The following FER1L6 variants were observed in gnomAD, a reference collection of about 807,000 sequenced individuals.
FER1L6 encodes the protein fer-1 like family member 6, also known as fer-1-like protein 6.
A neutral mutation model predicts 219.2 loss-of-function variants in FER1L6; 177 were observed. The observed-to-expected ratio is 0.81, with a 90% CI of 0.71 to 0.91. The LOEUF (loss-of-function observed/expected upper bound fraction) is 0.91, where lower values mean the gene tolerates loss of function less well. FER1L6 is among the 40% of genes least tolerant of loss of function. The pLI is 0.00. For synonymous variants in FER1L6, 768 were observed against 824.3 expected (o/e 0.93, Z 1.17); for missense variants, 2,153 against 2,259.9 (o/e 0.95, Z 0.96).
Position 124,021,661 on chromosome 8 carries a change from G to C in FER1L6, c.2125G>C (p.Val709Leu), listed in dbSNP as rs190330236. 9.8e-5 allele frequency: 158 copies of C among 1,614,118 alleles called. No individual in the cohort carries two copies. The African/African-American group carries it at 1.2e-3, about 12-fold the overall frequency. ...CTTTGTGGAAAAAATCCGCTTTCTT[G>C]TTGATGAGGTAACTGACTCTAAAGG... ...QNFVEKIRFL[V>L]DEPQHTIPDV... The change falls in exon 17 of 41, where the codon GTT becomes CTT. Residue 709 changes from valine (V) to leucine (L), a missense_variant. By Grantham distance (32) the Val-to-Leu change is conservative (BLOSUM62 1). Transcript: ENST00000522917.
At chr8:123,968,916 T>C (rs1308770430) in intron 5 of FER1L6, among the ~76,000 whole-genome samples, 1 of 152,094 alleles carries the variant, frequency 6.6e-6, no homozygotes, top group Non-Finnish European at 1.5e-5. Flanking sequence ...ACTCTACAGC[T>C]CAAAAAAGAA....
chr8:124,083,905 A>G (rs988136661), intron 33 of FER1L6, among the ~76,000 whole-genome samples: 1 of 152,190 alleles, frequency 6.6e-6, no homozygotes, highest in African/African-American at 2.4e-5. Flanking sequence ...ATCCATGAAC[A>G]TGGAATATGT....
chr8:124,065,630 T>C (rs1699793021), intron 26 of FER1L6, among the ~76,000 whole-genome samples: 1 of 152,208 alleles, frequency 6.6e-6, no homozygotes, highest in Admixed American at 6.5e-5. Context: ...TCAGTGTTCA[T>C]CATTCAGTGT....
intron 20 of FER1L6, among the ~76,000 whole-genome samples, chr8:124,042,490 T>G (rs911960025): frequency 2.0e-5 from 3 of 152,224 alleles, no homozygotes; most frequent in African/African-American, 7.2e-5. Context: ...GGAAGCGATA[T>G]AGCTAGAAGA....
chr8:123,891,227 A>G (rs1812643745), intron 1 of FER1L6, among the ~76,000 whole-genome samples: 1 of 152,206 alleles, frequency 6.6e-6, no homozygotes, highest in Admixed American at 6.5e-5. Flanking sequence ...TAGTGACGAA[A>G]GTTACTTAAT....
At chr8:123,959,087 G>A (rs958021685) in intron 2 of FER1L6, among the ~76,000 whole-genome samples, 4 of 152,044 alleles carry the variant, frequency 2.6e-5, no homozygotes, top group South Asian at 2.1e-4. Context: ...AAAGTGACAC[G>A]GTCTGGTTTT....
intron 39 of FER1L6, among the ~76,000 whole-genome samples, chr8:124,113,045 A>G (rs889121562): frequency 1.3e-5 from 2 of 152,194 alleles, no homozygotes; most frequent in African/African-American, 4.8e-5. Flanking sequence ...TAATCATTCC[A>G]TACTTAAAAT....
chr8:124,064,339 C>A lies in FER1L6; in HGVS notation c.3329-8C>A, dbSNP rs768600532. 2 of 1,611,394 alleles carry A rather than the reference C, an allele frequency of 1.2e-6. No homozygotes were observed. Among genetic ancestry groups the A allele is most frequent in the Non-Finnish European group, 1.7e-6 (2 of 1,178,096 alleles). On this transcript the variant is annotated splice_region_variant and splice_polypyrimidine_tract_variant and intron_variant, in intron 25 of 40. Transcript: ENST00000522917. ...CCAGCTCCCTGACCTGATGTGCTTT[C>A]ATTTCAGATATTTCAGATTCGCTAA...
chr8:123,927,245 C>T (rs531843019), intron 1 of FER1L6, among the ~76,000 whole-genome samples: 2 of 151,520 alleles, frequency 1.3e-5, no homozygotes, highest in South Asian at 2.1e-4. Flanking sequence ...CAAGAATCAA[C>T]GACCAATCTC....
chr8:123,956,429 C>T (rs1295312656), intron 2 of FER1L6, among the ~76,000 whole-genome samples: 2 of 152,218 alleles, frequency 1.3e-5, no homozygotes, highest in African/African-American at 2.4e-5. Flanking sequence ...TGATCTCACA[C>T]AGCTGTGGGG....
intron 1 of FER1L6, among the ~76,000 whole-genome samples, chr8:123,915,460 C>T (rs1288244322): frequency 6.6e-6 from 1 of 152,086 alleles, no homozygotes; most frequent in Non-Finnish European, 1.5e-5. Context: ...CATGGGTACA[C>T]TGTGAGTTCA....
At chr8:124,048,549 A>G (rs1346388451) in intron 21 of FER1L6, among the ~76,000 whole-genome samples, 1 of 152,244 alleles carries the variant, frequency 6.6e-6, no homozygotes, top group East Asian at 1.9e-4. Context: ...GCCTACATAC[A>G]TACATACAAA....
At position 124,044,895 on chromosome 8, in the gene FER1L6, A is replaced by G. The variant is rs1819659905; in HGVS notation, c.2590-872A>G. ...CTTAAATGGCCTAGGAGGGGGCTGT[A>G]AGCCACTTCTAGGCAAGATGCTCAT... On this transcript the variant is annotated intron_variant, in intron 20 of 40. Transcript: ENST00000522917. Among the ~76,000 whole-genome samples, 3 of 152,230 alleles carry G rather than the reference A, an allele frequency of 2.0e-5. 1 individual carries two copies. The South Asian group carries it at 6.2e-4, about 31-fold the overall frequency.
At chr8:124,021,335 T>C (rs140617751) in intron 16 of FER1L6, among the ~76,000 whole-genome samples, 2 of 152,102 alleles carry the variant, frequency 1.3e-5, no homozygotes, top group African/African-American at 4.8e-5. Context: ...CTTCAGCTTC[T>C]CATCTGTCAA....
At chr8:123,974,036 T>C (rs1815940160) in intron 7 of FER1L6, among the ~76,000 whole-genome samples, 1 of 152,256 alleles carries the variant, frequency 6.6e-6, no homozygotes, top group African/African-American at 2.4e-5. Flanking sequence ...AAGGATTTGC[T>C]GTACTTATTA....
At chr8:124,039,775 TG>T in intron 19 of FER1L6, 106 bp from the exon 20 acceptor site, 6 of 1,439,444 alleles carry the variant, frequency 4.2e-6, no homozygotes, top group Non-Finnish European at 5.8e-6. Flanking sequence ...GGTCTCCTTT[TG>T]TCTGTCTGTG....
chr8:123,999,811 T>G (rs924054457), intron 12 of FER1L6, among the ~76,000 whole-genome samples: 1 of 152,132 alleles, frequency 6.6e-6, no homozygotes, highest in Non-Finnish European at 1.5e-5. Flanking sequence ...CTCTCTCCCC[T>G]CCTCAAGCAG....
chr8:123,859,585 T>A (rs184947433), intron 1 of FER1L6, among the ~76,000 whole-genome samples: 1,833 of 148,398 alleles, frequency 0.012, 34 homozygotes, highest in African/African-American at 0.041. Context: ...AGTTTTAGGG[T>A]ACATGTGCAC....
intron 39 of FER1L6, among the ~76,000 whole-genome samples, chr8:124,105,407 T>C (rs993040276): frequency 3.3e-5 from 5 of 152,130 alleles, no homozygotes; most frequent in Admixed American, 1.3e-4. Flanking sequence ...AGGAAAGCCA[T>C]TGCATGGTTT....
Sources: gnomAD v4.1 joint callset for allele counts (sites outside exome capture counted in the v4.1 genomes callset) on GRCh38, gnomAD v4.1.1 for gene constraint, MANE v1.5 for transcripts, NCBI Gene and HGNC (gene_info 2026-07-23, HGNC 2026-07-21) for gene names.